ERG: variants seen among roughly 807,000 people sequenced by gnomAD.
ERG encodes ETS transcription factor ERG, also known as transcriptional regulator ERG.
A neutral mutation model predicts 55.3 loss-of-function variants in ERG; 9 were observed. The ratio of observed to expected loss-of-function variants is 0.16; its 90% confidence interval spans 0.10 to 0.28. The LOEUF is 0.28. Ranked by LOEUF, ERG falls within the 10% of genes least tolerant of loss-of-function variation. The pLI is 1.00. For missense variants in ERG, 434 were observed against 631.6 expected (o/e 0.69, Z 3.35); for synonymous variants, 223 against 237.3 (o/e 0.94, Z 0.55).
At chr21:38,547,110 A>T (rs534602443) in intron 2 of ERG, among the ~76,000 whole-genome samples, 2 of 152,168 alleles carry the variant, frequency 1.3e-5, no homozygotes, top group East Asian at 3.9e-4. Context: ...TGTCTCAGGG[A>T]ATGTCCCATA....
intron 9 of ERG, among the ~76,000 whole-genome samples, chr21:38,387,914 T>C (rs985869426): frequency 2.0e-5 from 3 of 152,210 alleles, no homozygotes; most frequent in African/African-American, 7.2e-5. Context: ...TTGCTTAGCG[T>C]TGGCAAGGGT....
intron 1 of ERG, among the ~76,000 whole-genome samples, chr21:38,645,029 T>C (rs1293521141): frequency 6.6e-6 from 1 of 152,136 alleles, no homozygotes; most frequent in African/African-American, 2.4e-5. Context: ...CATGGCAGCA[T>C]GCACTTGTAG....
chr21:38,594,762 A>T (rs764336014), intron 1 of ERG, among the ~76,000 whole-genome samples: 1 of 152,226 alleles, frequency 6.6e-6, no homozygotes, highest in Non-Finnish European at 1.5e-5. Context: ...ATAATAACTT[A>T]GGCAAAACAG....
intron 2 of ERG, among the ~76,000 whole-genome samples, chr21:38,566,656 T>C (rs889174074): frequency 1.3e-5 from 2 of 152,146 alleles, no homozygotes; most frequent in East Asian, 3.9e-4. Context: ...GAGGTGTGAC[T>C]AGGATATTCA....
intron 2 of ERG, among the ~76,000 whole-genome samples, chr21:38,429,595 G>A (rs8134711): frequency 0.82 from 11,495 of 14,054 alleles, 5,198 homozygotes; most frequent in East Asian, 0.94. Context: ...ATGTGTATAT[G>A]TACATGTATA....
intron 1 of ERG, among the ~76,000 whole-genome samples, chr21:38,626,814 T>C (rs888709040): frequency 3.7e-4 from 57 of 152,180 alleles, no homozygotes; most frequent in Non-Finnish European, 7.3e-5. Context: ...GAAAAACATA[T>C]ATCTTTTTTG....
intron 2 of ERG, among the ~76,000 whole-genome samples, chr21:38,565,990 T>A (rs1483229379): frequency 6.6e-6 from 1 of 152,098 alleles, no homozygotes; most frequent in Non-Finnish European, 1.5e-5. Context: ...AGCTCACAAG[T>A]TTCCAAGTGC....
intron 7 of ERG, among the ~76,000 whole-genome samples, chr21:38,391,990 CAG>C (rs997023722): frequency 6.6e-6 from 1 of 150,612 alleles, no homozygotes; most frequent in African/African-American, 2.4e-5. Context: ...GCTTACCAAA[CAG>C]ATTACAATAA....
chr21:38,628,607 T>A (rs1018469992), intron 1 of ERG, among the ~76,000 whole-genome samples: 3 of 151,918 alleles, frequency 2.0e-5, no homozygotes, highest in African/African-American at 7.2e-5. Context: ...GGGGAAACTG[T>A]GAAGCACAAC....
At chr21:38,429,065 G>T (rs1308584476) in intron 2 of ERG, among the ~76,000 whole-genome samples, 1 of 152,074 alleles carries the variant, frequency 6.6e-6, no homozygotes, top group Non-Finnish European at 1.5e-5. Flanking sequence ...AGTCCCCAAA[G>T]TCCACTGTAT....
chr21:38,575,822 A>T, intron 1 of ERG: 1 of 1,117,130 alleles, frequency 9.0e-7, no homozygotes, highest in South Asian at 1.3e-5. Context: ...GCAGGACAGG[A>T]CACAATTCAC....
intron 4 of ERG, among the ~76,000 whole-genome samples, chr21:38,402,974 G>T (rs1463082553): frequency 6.6e-6 from 1 of 152,158 alleles, no homozygotes; most frequent in Admixed American, 6.5e-5. Context: ...ATTAAAGCAT[G>T]CAGCAAACAT....
At chr21:38,635,162 A>G (rs545321000) in intron 1 of ERG, among the ~76,000 whole-genome samples, 1 of 152,326 alleles carries the variant, frequency 6.6e-6, no homozygotes, top group East Asian at 1.9e-4. Context: ...GAATAGGGAG[A>G]GCCCGGGGCA....
intron 1 of ERG, among the ~76,000 whole-genome samples, chr21:38,644,249 C>A (rs548651245): frequency 1.3e-5 from 2 of 152,306 alleles, no homozygotes; most frequent in African/African-American, 2.4e-5. Context: ...CTGCAAACCA[C>A]CATGATGATA....
At chr21:38,643,778 A>C (rs1410950647) in intron 1 of ERG, among the ~76,000 whole-genome samples, 2 of 152,216 alleles carry the variant, frequency 1.3e-5, no homozygotes, top group African/African-American at 4.8e-5. Flanking sequence ...GGATAATTGA[A>C]GTGCATGTTT....
At chr21:38,457,013 A>G (rs1435433792) in intron 1 of ERG, among the ~76,000 whole-genome samples, 1 of 152,220 alleles carries the variant, frequency 6.6e-6, no homozygotes. Flanking sequence ...GGGAGTGCTG[A>G]CCTCAAAACC....
At chr21:38,428,733 C>T (rs984785484) in intron 2 of ERG, among the ~76,000 whole-genome samples, 19 of 152,142 alleles carry the variant, frequency 1.2e-4, no homozygotes, top group African/African-American at 3.4e-4. Context: ...TATTCTCAGG[C>T]TATTCAGCAG....
chr21:38,540,171 C>T (rs1223421077), intron 2 of ERG, among the ~76,000 whole-genome samples: 3 of 152,142 alleles, frequency 2.0e-5, no homozygotes, highest in Non-Finnish European at 4.4e-5. Flanking sequence ...GCTGGGATTA[C>T]AGGCTGAGCC....
chr21:38,602,587 C>T (rs1294621784), intron 1 of ERG, among the ~76,000 whole-genome samples: 2 of 152,000 alleles, frequency 1.3e-5, no homozygotes, highest in African/African-American at 4.8e-5. Context: ...GGTGCATTTA[C>T]AGCAATTAAT....
Sources: gnomAD v4.1 joint callset for allele counts (sites outside exome capture counted in the v4.1 genomes callset) on GRCh38, gnomAD v4.1.1 for gene constraint, MANE v1.5 for transcripts, NCBI Gene and HGNC (gene_info 2026-07-23, HGNC 2026-07-21) for gene names.